Variants in FAM200A observed in about 807,000 individuals in gnomAD.
FAM200A encodes the protein protein FAM200A.
A neutral mutation model predicts 44.2 loss-of-function variants in FAM200A; 26 were observed. The observed-to-expected ratio is 0.59, with a 90% CI of 0.43 to 0.82. FAM200A has a LOEUF of 0.82. Among genes scored for constraint, FAM200A ranks in the 40% least tolerant of loss-of-function variants. FAM200A has a pLI of 0.00. For synonymous variants in FAM200A, 206 were observed against 244.4 expected (o/e 0.84, Z 1.47); for missense variants, 606 against 669.5 (o/e 0.91, Z 1.05).
In FAM200A at chr7:99,548,876, CTTTTTTTTT is replaced by C. The variant is rs769162310; in HGVS notation, c.-99-379_-99-371del. On this transcript the variant is annotated intron_variant, in intron 1 of 1. Transcript: ENST00000449309. ...AACTCTAAAAAGTGATCTGGTCATTCTTTTTTTTTTTTTTTTTTTTGAGATGGAGTTTCG... is the reference window on the plus strand; with the variant it reads ...AACTCTAAAAAGTGATCTGGTCATTCTTTTTTTTTTTGAGATGGAGTTTCG... Among the ~76,000 whole-genome samples the C allele has an allele frequency of 3.1e-3, 283 of 91,380 alleles. 1 individual carries two copies. The highest frequency in any genetic ancestry group is 0.011 in the African/African-American group (253 of 22,402). The allele number at this position is 91,380 out of a possible 152,430, so 59.9% of individuals were successfully genotyped here. A position where few individuals can be genotyped will look rare whatever the true frequency, so the allele number is the denominator to read the frequency against.
chr7:99,551,157 TCCAAATCA>T (rs1802518860), intron 1 of FAM200A, among the ~76,000 whole-genome samples: 1 of 152,100 alleles, frequency 6.6e-6, no homozygotes. Flanking sequence ...TCCTATTATA[TCCAAATCA>T]CTTCTTTATT....
chr7:99,552,992 T>TAC (rs1802572650), upstream of FAM200A, among the ~76,000 whole-genome samples: 1 of 144,828 alleles, frequency 6.9e-6, no homozygotes, highest in African/African-American at 2.6e-5. Flanking sequence ...TATACACACA[T>TAC]ATATATACAC....
intron 1 of FAM200A, among the ~76,000 whole-genome samples, 159 bp downstream of exon 1, chr7:99,551,695 C>G (rs887326579): frequency 1.1e-4 from 17 of 152,324 alleles, no homozygotes; most frequent in Admixed American, 4.6e-4. Context: ...AACCAGTGGG[C>G]ACAACTGGGG....
intron 1 of FAM200A, among the ~76,000 whole-genome samples, chr7:99,557,690 G>A (rs926149919): frequency 2.0e-5 from 3 of 152,130 alleles, no homozygotes; most frequent in Non-Finnish European, 2.9e-5. Context: ...AGAGAGGAAA[G>A]GAATATCAGA....
rs1802409553 is a variant in FAM200A, at chr7:99,547,220, G to C, written c.1188C>G (p.Tyr396Ter). 1 of 1,550,520 alleles carries C rather than the reference G, an allele frequency of 6.4e-7. No individual in the cohort carries two copies. The change falls in exon 2 of 2, where the codon TAC becomes TAG. Residue 396 changes from tyrosine (Y) to a stop codon, truncating the protein, a stop_gained. Coordinates refer to ENST00000449309, the MANE Select transcript of FAM200A (RefSeq NM_145111.4). LOFTEE classifies it high-confidence loss of function. ...GTTGCAATAATGTTGGAAACATATA[G>C]TAGCTAGGGCGGTTACTTTTAAGTC... ...QARLKSNRPS[Y>*]YMFPTLLQHI...
rs1043651612 is a variant in FAM200A at position 99,551,169 on chromosome 7, C to A, written c.-100+685G>T. 2.0e-5 allele frequency among the ~76,000 whole-genome samples: 3 copies of A among 152,098 alleles called. No homozygotes were observed. In the East Asian group the frequency reaches 5.8e-4, roughly 29 times the overall value. On this transcript the variant is annotated intron_variant, in intron 1 of 1. Coordinates refer to ENST00000449309, the MANE Select transcript of FAM200A (RefSeq NM_145111.4). ...TTTTCCTATTATATCCAAATCACTT[C>A]TTTATTCAGTAGGCTTCAAACATTC...
rs1802541400 is a variant in FAM200A, at chr7:99,551,904, C to G, written c.-150G>C. 1.0e-6 allele frequency: 1 copy of G among 985,568 alleles called. No homozygotes were observed. The highest frequency in any genetic ancestry group is 1.2e-6 in the Non-Finnish European group (1 of 830,034). 61.1% of individuals were successfully genotyped at this position (985,568 alleles called of 1,614,324 possible). A position where few individuals can be genotyped will look rare whatever the true frequency, so the allele number is the denominator to read the frequency against. ...GGGACAGCGCTTGCCACCGCCGAGG[C>G]TGGCGCGAGGAACGGGGGCACGGAC... On this transcript the variant is annotated 5_prime_UTR_variant, in exon 1 of 2. Transcript: ENST00000449309.
chr7:99,547,896 T>C lies in FAM200A; in HGVS notation c.512A>G (p.Asp171Gly), dbSNP rs190264601. ...ATTTAAATTTAAACAACATAAGAGA[T>C]CCTCTACAAAATCATCTTGCCACAC... ...RYVWQDDFVE[D>G]LLCCLNLNSH... Residue 171 changes from aspartate (D) to glycine (G), a missense_variant, in exon 2 of 2, where the codon GAT becomes GGT. By Grantham distance (94) the Asp-to-Gly change is moderately conservative. Transcript: ENST00000449309. The C allele has an allele frequency of 2.1e-5, 33 of 1,551,182 alleles. No homozygotes were observed. In the African/African-American group the frequency reaches 4.1e-4, roughly 19 times the overall value.
At chr7:99,550,235 C>T (rs1211058620) in intron 1 of FAM200A, among the ~76,000 whole-genome samples, 1 of 151,944 alleles carries the variant, frequency 6.6e-6, no homozygotes, top group Non-Finnish European at 1.5e-5. Context: ...CTCAGCCTCC[C>T]GAGTAGCTGG....
At chr7:99,552,496 C>T (rs1054690210), upstream of FAM200A, among the ~76,000 whole-genome samples, 1 of 152,058 alleles carries the variant, frequency 6.6e-6, no homozygotes, top group Non-Finnish European at 1.5e-5. Context: ...TACGTATTGC[C>T]AGTTGAATGG....
upstream of FAM200A, chr7:99,552,245 C>T: frequency 1.1e-6 from 1 of 886,862 alleles, no homozygotes; most frequent in Non-Finnish European, 1.4e-6. Flanking sequence ...TGCTCCTCAG[C>T]TTGTCCGCTC....
upstream of FAM200A, among the ~76,000 whole-genome samples, chr7:99,555,347 CT>C (rs1802657523): frequency 6.6e-6 from 1 of 152,180 alleles, no homozygotes; most frequent in Admixed American, 6.5e-5. Context: ...GGACAGATTC[CT>C]TCTCACAGCC....
At position 99,547,184 on chromosome 7, in the gene FAM200A, C is replaced by T; in HGVS notation, c.1224G>A (p.Glu408=). Residue 408 remains glutamate (E), a synonymous_variant, in exon 2 of 2, where the codon GAG becomes GAA. Coordinates refer to ENST00000449309, the MANE Select transcript of FAM200A (RefSeq NM_145111.4). ...MFPTLLQHIE[E]NIINEDCLKE... is the part of the protein sequence containing the mutation. The stretch of plus-strand genomic sequence containing the variant: ...TTAAGCAGTCTTCATTAATAATGTT[C>T]TCTTCGATGTGTTGCAATAATGTTG... 6.5e-7 allele frequency: 1 copy of T among 1,548,264 alleles called. No individual in the cohort carries two copies. Among genetic ancestry groups the T allele is most frequent in the Non-Finnish European group, 8.7e-7 (1 of 1,146,088 alleles).
At chr7:99,552,389 T>C (rs891851393), upstream of FAM200A, among the ~76,000 whole-genome samples, 2 of 152,106 alleles carry the variant, frequency 1.3e-5, no homozygotes, top group Non-Finnish European at 2.9e-5. Context: ...TGATTGTCTG[T>C]GGCAGAGGAG....
At chr7:99,553,246 A>T (rs1802606964), upstream of FAM200A, among the ~76,000 whole-genome samples, 1 of 151,168 alleles carries the variant, frequency 6.6e-6, no homozygotes, top group African/African-American at 2.4e-5. Context: ...ATTTCCTTCC[A>T]GGGTTCCAAG....
At chr7:99,557,083 T>C (rs1802708299), upstream of FAM200A, among the ~76,000 whole-genome samples, 3 of 152,154 alleles carry the variant, frequency 2.0e-5, no homozygotes, top group African/African-American at 7.2e-5. Flanking sequence ...ATTTTTTGAG[T>C]TGTTTCCACC....
At chr7:99,554,686 A>T (rs1802643686), upstream of FAM200A, among the ~76,000 whole-genome samples, 1 of 152,114 alleles carries the variant, frequency 6.6e-6, no homozygotes, top group Admixed American at 6.5e-5. Context: ...AAAATATGGC[A>T]TGGGTGACCA....
intron 1 of FAM200A, among the ~76,000 whole-genome samples, chr7:99,551,381 G>C (rs1027756396): frequency 3.3e-5 from 5 of 152,018 alleles, no homozygotes; most frequent in African/African-American, 1.2e-4. Flanking sequence ...ATTTCTAGTA[G>C]AGACAGGGTT....
At chr7:99,553,099 A>ATT (rs576289512), upstream of FAM200A, among the ~76,000 whole-genome samples, 573 of 61,374 alleles carry the variant, frequency 9.3e-3, 16 homozygotes, top group East Asian at 0.037. Flanking sequence ...ATATATATAT[A>ATT]TTTTTTTTTT....
Sources: allele counts gnomAD v4.1 joint callset (sites outside exome capture counted in the v4.1 genomes callset), GRCh38; gene constraint gnomAD v4.1.1; transcripts MANE v1.5; gene names NCBI Gene and HGNC (gene_info 2026-07-23, HGNC 2026-07-21).